The following EYS variants were observed in gnomAD, a reference collection of about 807,000 sequenced individuals.
EYS encodes the protein protein eyes shut homolog.
EYS carries 250 observed loss-of-function variants against 282.1 expected under a neutral mutation model. The observed-to-expected ratio is 0.89, with a 90% CI of 0.80 to 0.98. The LOEUF is 0.98. Among genes scored for constraint, EYS ranks in the 50% least tolerant of loss-of-function variants. The pLI is 0.00. For synonymous variants in EYS, 1,355 were observed against 1,282.9 expected (o/e 1.06, Z -1.20); for missense variants, 4,016 against 3,709.0 (o/e 1.08, Z -2.15).
chr6:63,734,563 T>A (rs920365130), intron 41 of EYS, among the ~76,000 whole-genome samples: 2 of 152,096 alleles, frequency 1.3e-5, no homozygotes, highest in Non-Finnish European at 2.9e-5. Flanking sequence ...ATCAGAGAAG[T>A]AGCAGTGGAG....
At chr6:65,405,053 C>G in intron 6 of EYS, 121 bp downstream of exon 6, 1 of 694,564 alleles carries the variant, frequency 1.4e-6, no homozygotes, top group Non-Finnish European at 2.4e-6. Context: ...CGTTCTTGTT[C>G]GTCTGAGTTT....
At chr6:64,624,763 A>G (rs1767551740) in intron 23 of EYS, among the ~76,000 whole-genome samples, 1 of 152,068 alleles carries the variant, frequency 6.6e-6, no homozygotes, top group Non-Finnish European at 1.5e-5. Flanking sequence ...TAGTCCTAAT[A>G]CTCTCATGGC....
chr6:64,144,457 C>T (rs954069240), intron 31 of EYS, among the ~76,000 whole-genome samples: 3 of 152,152 alleles, frequency 2.0e-5, no homozygotes, highest in Non-Finnish European at 2.9e-5. Flanking sequence ...ATGCACTATA[C>T]TTCAATTTGC....
intron 22 of EYS, among the ~76,000 whole-genome samples, chr6:64,789,760 T>G (rs1774131038): frequency 6.6e-6 from 1 of 152,048 alleles, no homozygotes; most frequent in Non-Finnish European, 1.5e-5. Flanking sequence ...AATCCTTGTG[T>G]CTTTTCCTGT....
At chr6:63,895,916 T>A (rs1054652961) in intron 35 of EYS, among the ~76,000 whole-genome samples, 8 of 150,902 alleles carry the variant, frequency 5.3e-5, no homozygotes, top group African/African-American at 1.9e-4. Context: ...TTTTTTTTTT[T>A]TTTTTTTTTT....
chr6:65,403,226 A>C (rs1170490756), intron 6 of EYS, among the ~76,000 whole-genome samples: 1 of 152,068 alleles, frequency 6.6e-6, no homozygotes, highest in Non-Finnish European at 1.5e-5. Context: ...CTATGCATAG[A>C]AAATAAACCA....
intron 8 of EYS, among the ~76,000 whole-genome samples, chr6:65,362,515 A>G (rs1432948059): frequency 1.3e-5 from 2 of 151,722 alleles, no homozygotes; most frequent in African/African-American, 4.8e-5. Flanking sequence ...ATGTATATAC[A>G]CATGCATATA....
chr6:64,743,855 A>G (rs1268544448), intron 22 of EYS, among the ~76,000 whole-genome samples: 1 of 152,150 alleles, frequency 6.6e-6, no homozygotes, highest in Non-Finnish European at 1.5e-5. Flanking sequence ...ATAAGGGGGA[A>G]ATGATACCAA....
At chr6:65,628,249 CT>C (rs1398448345) in intron 2 of EYS, among the ~76,000 whole-genome samples, 3 of 152,134 alleles carry the variant, frequency 2.0e-5, no homozygotes, top group African/African-American at 7.2e-5. Context: ...TCTAGCTGCT[CT>C]GGTGGGGCCT....
At chr6:65,206,506 A>C (rs959121912) in intron 12 of EYS, among the ~76,000 whole-genome samples, 1 of 151,728 alleles carries the variant, frequency 6.6e-6, no homozygotes, top group South Asian at 2.1e-4. Flanking sequence ...AAAATTTGGG[A>C]AGGGATTCCT....
At chr6:64,085,276 C>T (rs1772105284) in intron 31 of EYS, among the ~76,000 whole-genome samples, 1 of 151,918 alleles carries the variant, frequency 6.6e-6, no homozygotes, top group South Asian at 2.1e-4. Context: ...CTGCCCAGCC[C>T]TCTGTCTCTT....
intron 19 of EYS, among the ~76,000 whole-genome samples, chr6:64,857,836 T>C (rs1766112767): frequency 6.6e-6 from 1 of 152,178 alleles, no homozygotes; most frequent in African/African-American, 2.4e-5. Context: ...TGGTTTTAAT[T>C]TGCATTTCCC....
chr6:63,906,382 A>G (rs1048253579), intron 35 of EYS, among the ~76,000 whole-genome samples: 1 of 152,214 alleles, frequency 6.6e-6, no homozygotes, highest in Non-Finnish European at 1.5e-5. Flanking sequence ...CTGCATTTAT[A>G]ATAGGGCAGC....
chr6:65,296,274 ATTC>A (rs1245491031), intron 11 of EYS, among the ~76,000 whole-genome samples, 155 bp from the exon 12 acceptor site: 3 of 152,034 alleles, frequency 2.0e-5, no homozygotes, highest in African/African-American at 7.2e-5. Context: ...TAAAGTGTCC[ATTC>A]TTGGCAAAAT....
At chr6:64,974,762 T>C (rs2150113028) in intron 14 of EYS, among the ~76,000 whole-genome samples, 1 of 152,006 alleles carries the variant, frequency 6.6e-6, no homozygotes, top group African/African-American at 2.4e-5. Flanking sequence ...AGTCTGTGTA[T>C]ACCGCACAGC....
intron 8 of EYS, among the ~76,000 whole-genome samples, chr6:65,360,626 G>A (rs1480299214): frequency 6.6e-6 from 1 of 152,074 alleles, no homozygotes; most frequent in African/African-American, 2.4e-5. Flanking sequence ...ACAACTCCGT[G>A]ACCATACTAT....
At chr6:65,410,284 C>G (rs1216842375) in intron 5 of EYS, among the ~76,000 whole-genome samples, 1 of 151,918 alleles carries the variant, frequency 6.6e-6, no homozygotes, top group Non-Finnish European at 1.5e-5. Context: ...TGTAATGGTA[C>G]ATATTTATTG....
intron 33 of EYS, among the ~76,000 whole-genome samples, chr6:64,057,579 C>T (rs901281928): frequency 6.6e-6 from 1 of 152,074 alleles, no homozygotes; most frequent in Non-Finnish European, 1.5e-5. Context: ...AATGCCAGAG[C>T]TACTATCCAA....
intron 5 of EYS, among the ~76,000 whole-genome samples, chr6:65,441,625 A>G (rs1454515812): frequency 1.3e-5 from 2 of 152,088 alleles, no homozygotes; most frequent in South Asian, 4.1e-4. Flanking sequence ...TGAGGAACAC[A>G]GGAACTTTTC....
Sources: allele counts gnomAD v4.1 joint callset (sites outside exome capture counted in the v4.1 genomes callset), GRCh38; gene constraint gnomAD v4.1.1; transcripts MANE v1.5; gene names NCBI Gene and HGNC (gene_info 2026-07-23, HGNC 2026-07-21).